The following CAP2 variants were observed in gnomAD, a reference collection of about 807,000 sequenced individuals.
CAP2 encodes cyclase associated actin cytoskeleton regulatory protein 2.
In CAP2, 24 loss-of-function variants were observed where a neutral mutation model predicts 57.7. The observed-to-expected ratio is 0.42, with a 90% CI of 0.30 to 0.58. The LOEUF is 0.58. CAP2 is among the 20% of genes least tolerant of loss of function. The pLI, the probability that CAP2 is intolerant of heterozygous loss-of-function variation, is 0.22. For missense variants in CAP2, 501 were observed against 590.3 expected, an observed-to-expected ratio of 0.85 and a Z score of 1.57; for synonymous variants, 194 against 207.2, an observed-to-expected ratio of 0.94 and a Z score of 0.55.
chr6:17,424,171 C>A (rs1043253759), intron 2 of CAP2, among the ~76,000 whole-genome samples: 1 of 151,908 alleles, frequency 6.6e-6, no homozygotes, highest in Non-Finnish European at 1.5e-5. Context: ...GAGGCCGCGG[C>A]GAGCCGATCA....
chr6:17,495,059 C>G (rs1761631432), intron 4 of CAP2, among the ~76,000 whole-genome samples: 1 of 152,184 alleles, frequency 6.6e-6, no homozygotes, highest in South Asian at 2.1e-4. Context: ...GGGTCTCCAG[C>G]CAGCTGACTG....
At chr6:17,480,773 G>GT (rs79702682) in intron 4 of CAP2, among the ~76,000 whole-genome samples, 98 of 136,404 alleles carry the variant, frequency 7.2e-4, no homozygotes, top group Admixed American at 1.3e-3. Context: ...GGTTTTTTTG[G>GT]TTTTTTTTTT....
chr6:17,491,065 C>T (rs141855281), intron 4 of CAP2, among the ~76,000 whole-genome samples: 1 of 152,278 alleles, frequency 6.6e-6, no homozygotes, highest in East Asian at 1.9e-4. Flanking sequence ...CCGGTAGAAA[C>T]TCAGTGTCAT....
At chr6:17,492,702 G>C (rs1032574804) in intron 4 of CAP2, among the ~76,000 whole-genome samples, 4 of 152,210 alleles carry the variant, frequency 2.6e-5, no homozygotes, top group African/African-American at 9.7e-5. Context: ...GTTGTAGTCA[G>C]CTAAATATTT....
intron 3 of CAP2, among the ~76,000 whole-genome samples, chr6:17,435,741 A>C (rs1329319993): frequency 3.3e-5 from 5 of 150,426 alleles, no homozygotes; most frequent in Admixed American, 6.6e-5. Flanking sequence ...AACAAAAAAA[A>C]AACAATATAT....
At chr6:17,438,407 G>T (rs1231075639) in intron 3 of CAP2, among the ~76,000 whole-genome samples, 2 of 121,456 alleles carry the variant, frequency 1.6e-5, no homozygotes, top group Admixed American at 8.2e-5. Flanking sequence ...TGGTTTTTTT[G>T]TTTGCTTGTT....
At chr6:17,457,299 C>T (rs551990810) in intron 3 of CAP2, among the ~76,000 whole-genome samples, 1 of 152,286 alleles carries the variant, frequency 6.6e-6, no homozygotes, top group East Asian at 1.9e-4. Context: ...GATTATTTGT[C>T]GTTACTGAAA....
chr6:17,461,855 T>C (rs1760730815), intron 3 of CAP2, among the ~76,000 whole-genome samples: 1 of 149,274 alleles, frequency 6.7e-6, no homozygotes, highest in South Asian at 2.1e-4. Flanking sequence ...TAGCCAGGCG[T>C]GGTGGCGGGC....
chr6:17,426,185 G>A (rs1759586136), intron 2 of CAP2, among the ~76,000 whole-genome samples: 1 of 150,576 alleles, frequency 6.6e-6, no homozygotes, highest in African/African-American at 2.4e-5. Flanking sequence ...TGAAATTGAT[G>A]ATATTAAACT....
In CAP2 at chr6:17,453,884, CTCTT is replaced by C. The variant is rs377695330; in HGVS notation, c.223-9108_223-9105del. ...AATAAATATATTTATTGTCCCAGGG[CTCTT>C]TCTCTTTTTATTCTTTTTTTTTTTT... On this transcript the variant is annotated intron_variant, in intron 3 of 12. Coordinates refer to ENST00000229922, the MANE Select transcript of CAP2 (RefSeq NM_006366.3). Among the ~76,000 whole-genome samples the C allele has an allele frequency of 2.3e-3, 336 of 148,634 alleles. 1 individual carries two copies. The highest frequency in any genetic ancestry group is 7.6e-3 in the African/African-American group (303 of 39,866).
intron 11 of CAP2, among the ~76,000 whole-genome samples, chr6:17,546,923 T>C (rs907105586): frequency 1.3e-5 from 2 of 152,192 alleles, no homozygotes; most frequent in Admixed American, 6.6e-5. Flanking sequence ...ATTGTATATC[T>C]AGGAAACCCC....
At chr6:17,527,269 A>G (rs954965400) in intron 7 of CAP2, among the ~76,000 whole-genome samples, 18 of 152,198 alleles carry the variant, frequency 1.2e-4, no homozygotes, top group African/African-American at 4.1e-4. Flanking sequence ...CTGTCCAGCT[A>G]ATTCAAGCCA....
chr6:17,489,213 C>G (rs1486943312), intron 4 of CAP2, among the ~76,000 whole-genome samples: 1 of 152,178 alleles, frequency 6.6e-6, no homozygotes, highest in Non-Finnish European at 1.5e-5. Context: ...GCGGGCACAT[C>G]ACGAGGTCAG....
intron 4 of CAP2, among the ~76,000 whole-genome samples, chr6:17,469,030 CCACCT>C (rs3836946): frequency 0.025 from 3,840 of 152,294 alleles, 156 homozygotes; most frequent in African/African-American, 0.082. Context: ...TGGCCTGAGG[CCACCT>C]CACCTCACCT....
chr6:17,551,325 C>A (rs976990395), intron 11 of CAP2, 139 bp from the exon 12 acceptor site: 7 of 616,008 alleles, frequency 1.1e-5, no homozygotes, highest in African/African-American at 1.8e-5. Flanking sequence ...ATTAACTCAC[C>A]TCCCCAGCTT....
At chr6:17,475,950 TA>T (rs1761143105) in intron 4 of CAP2, among the ~76,000 whole-genome samples, 1 of 152,224 alleles carries the variant, frequency 6.6e-6, no homozygotes, top group Admixed American at 6.5e-5. Flanking sequence ...AAATTGGATT[TA>T]AATGACTTGA....
At chr6:17,531,172 A>C in intron 7 of CAP2, 1 of 765,968 alleles carries the variant, frequency 1.3e-6, no homozygotes, top group Non-Finnish European at 2.4e-6. Flanking sequence ...CCATAACCAC[A>C]CTTATGGATT....
chr6:17,514,768 C>T (rs547913908), intron 7 of CAP2, among the ~76,000 whole-genome samples: 1 of 152,016 alleles, frequency 6.6e-6, no homozygotes, highest in African/African-American at 2.4e-5. Context: ...GCAACAACAA[C>T]AAAAAAGGAA....
intron 3 of CAP2, among the ~76,000 whole-genome samples, chr6:17,448,107 A>G (rs1299840452): frequency 6.6e-6 from 1 of 152,260 alleles, no homozygotes; most frequent in Admixed American, 6.5e-5. Flanking sequence ...GAAAGCTTGG[A>G]TAAGAATATG....
Sources: allele counts gnomAD v4.1 joint callset (sites outside exome capture counted in the v4.1 genomes callset), GRCh38; gene constraint gnomAD v4.1.1; transcripts MANE v1.5; gene names NCBI Gene and HGNC (gene_info 2026-07-23, HGNC 2026-07-21).